Variants in PTPRK observed in about 807,000 individuals in gnomAD.
PTPRK encodes protein tyrosine phosphatase receptor type K.
Under a neutral mutation model 178.0 loss-of-function variants are expected in PTPRK, and 75 were observed. The ratio of observed to expected loss-of-function variants is 0.42; its 90% confidence interval spans 0.35 to 0.51. The LOEUF is 0.51. Ranked by LOEUF, PTPRK falls within the 20% of genes least tolerant of loss-of-function variation. The pLI is 0.02. For synonymous variants in PTPRK, 637 were observed against 620.6 expected (o/e 1.03, Z -0.39); for missense variants, 1,441 against 1,797.8 (o/e 0.80, Z 3.59).
intron 7 of PTPRK, among the ~76,000 whole-genome samples, chr6:128,145,646 AT>A (rs1234725622): frequency 2.0e-5 from 3 of 152,034 alleles, no homozygotes; most frequent in African/African-American, 7.3e-5. Context: ...TGCCAAGTGT[AT>A]TGTTTTGAGG....
Position 128,064,740 on chromosome 6 carries a change from A to G in PTPRK, c.2194+18T>C. On this transcript the variant is annotated intron_variant, in intron 13 of 29. Coordinates refer to ENST00000368226, the MANE Select transcript of PTPRK (RefSeq NM_002844.4). ...GGGTGAGAGTAGTTAAAACAAGCAAAAAAAGCAAACCTCTTACCTTTTGTA... is the reference window on the plus strand; with the variant it reads ...GGGTGAGAGTAGTTAAAACAAGCAAGAAAAGCAAACCTCTTACCTTTTGTA... The G allele has an allele frequency of 6.3e-7, 1 of 1,584,352 alleles. No individual in the cohort carries two copies. Among genetic ancestry groups the G allele is most frequent in the Non-Finnish European group, 8.5e-7 (1 of 1,171,914 alleles).
At chr6:128,490,433 T>C (rs1001466693) in intron 1 of PTPRK, among the ~76,000 whole-genome samples, 5 of 152,172 alleles carry the variant, frequency 3.3e-5, no homozygotes, top group African/African-American at 7.2e-5. Flanking sequence ...ATGAGTATTA[T>C]ACACTAGAAC....
intron 10 of PTPRK, 49 bp downstream of exon 10, chr6:128,082,388 C>G: frequency 6.6e-7 from 1 of 1,507,676 alleles, no homozygotes; most frequent in East Asian, 2.3e-5. Context: ...TGTGCCATTA[C>G]AAACCAATGG....
intron 6 of PTPRK, among the ~76,000 whole-genome samples, chr6:128,210,123 G>A (rs1364493574): frequency 1.3e-5 from 2 of 152,128 alleles, no homozygotes; most frequent in Admixed American, 1.3e-4. Context: ...GATGGTGACA[G>A]AGACAAGTGG....
chr6:128,161,206 A>T (rs1441226175), intron 7 of PTPRK, among the ~76,000 whole-genome samples: 2 of 151,770 alleles, frequency 1.3e-5, no homozygotes, highest in Non-Finnish European at 3.0e-5. Context: ...AAAATAACAA[A>T]CGATAACTGC....
intron 3 of PTPRK, among the ~76,000 whole-genome samples, chr6:128,290,625 T>C (rs1395394493): frequency 1.3e-5 from 2 of 152,020 alleles, no homozygotes; most frequent in Non-Finnish European, 2.9e-5. Flanking sequence ...TTCTCTAGGA[T>C]AGAGAACTGG....
intron 1 of PTPRK, among the ~76,000 whole-genome samples, chr6:128,407,812 A>G (rs1012294547): frequency 1.3e-5 from 2 of 152,164 alleles, no homozygotes; most frequent in Non-Finnish European, 2.9e-5. Context: ...AAAGGTGAAC[A>G]CAGTTCTTCA....
At chr6:128,400,706 G>A (rs1372768075) in intron 1 of PTPRK, among the ~76,000 whole-genome samples, 1 of 152,088 alleles carries the variant, frequency 6.6e-6, no homozygotes, top group African/African-American at 2.4e-5. Flanking sequence ...TCACTAGAAA[G>A]GCCTAAACAC....
At chr6:128,456,721 T>C (rs1292723119) in intron 1 of PTPRK, among the ~76,000 whole-genome samples, 1 of 152,136 alleles carries the variant, frequency 6.6e-6, no homozygotes, top group Non-Finnish European at 1.5e-5. Context: ...GACAACTGCC[T>C]GGGTCTTTCC....
chr6:128,518,855 G>C, intron 1 of PTPRK: 2 of 374,882 alleles, frequency 5.3e-6, no homozygotes, highest in Non-Finnish European at 1.1e-5. Flanking sequence ...TGAATCTGTT[G>C]TTTAACTCCC....
chr6:128,280,402 A>G (rs953645503), intron 3 of PTPRK, among the ~76,000 whole-genome samples: 2 of 152,166 alleles, frequency 1.3e-5, no homozygotes, highest in Admixed American at 6.6e-5. Context: ...AATTATCACT[A>G]TCCTTCTCCT....
chr6:128,058,820 C>T (rs78233439), intron 13 of PTPRK, among the ~76,000 whole-genome samples: 4,047 of 151,646 alleles, frequency 0.027, 178 homozygotes, highest in African/African-American at 0.093. Flanking sequence ...AAAAACTATA[C>T]TGTTATAACT....
chr6:128,145,494 AGTTT>A (rs1456112408), intron 7 of PTPRK, among the ~76,000 whole-genome samples: 1 of 152,130 alleles, frequency 6.6e-6, no homozygotes, highest in Non-Finnish European at 1.5e-5. Flanking sequence ...AAGGGATCTG[AGTTT>A]ATTTTAATTT....
At chr6:128,218,535 C>T (rs991637713) in intron 6 of PTPRK, among the ~76,000 whole-genome samples, 37 of 152,256 alleles carry the variant, frequency 2.4e-4, no homozygotes, top group African/African-American at 8.9e-4. Context: ...GAAATAGAAA[C>T]TTGGACCTTG....
At chr6:128,163,019 G>A (rs1353670214) in intron 7 of PTPRK, among the ~76,000 whole-genome samples, 1 of 151,230 alleles carries the variant, frequency 6.6e-6, no homozygotes, top group African/African-American at 2.4e-5. Flanking sequence ...ATAACATTAT[G>A]CTTAACATGT....
intron 13 of PTPRK, among the ~76,000 whole-genome samples, chr6:128,019,150 C>A (rs1004456834): frequency 6.6e-6 from 1 of 152,120 alleles, no homozygotes; most frequent in Admixed American, 6.5e-5. Context: ...AAGTCCAACT[C>A]CAGTTTTCAA....
intron 6 of PTPRK, among the ~76,000 whole-genome samples, chr6:128,201,105 G>A (rs1315428678): frequency 1.3e-5 from 2 of 152,078 alleles, no homozygotes; most frequent in Non-Finnish European, 2.9e-5. Flanking sequence ...CTTTAAAAGA[G>A]GATAGGCTAT....
chr6:128,520,267 A>T lies in PTPRK; in HGVS notation c.92T>A (p.Phe31Tyr). 6.3e-7 allele frequency: 1 copy of T among 1,598,228 alleles called. No homozygotes were observed. The highest frequency in any genetic ancestry group is 8.5e-7 in the Non-Finnish European group (1 of 1,172,232). Reference sequence around the variant, plus strand: ...GCCCCCCGGCCACTCACCTGCGGAGAACTGGCCTTGGGCCGATCCCAGGAG... The same window carrying T: ...GCCCCCCGGCCACTCACCTGCGGAGTACTGGCCTTGGGCCGATCCCAGGAG... ...WPLLGSAQGQ[F>Y]SAGGCTFDDG... The change falls in exon 1 of 30, where the codon TTC (phenylalanine) becomes TAC (tyrosine). Residue 31 changes from phenylalanine to tyrosine, a missense_variant. Phe to Tyr is a conservative substitution (Grantham distance 22, BLOSUM62 3). This residue lies in a region of PTPRK where 158 missense variants were observed against 188.0 expected (regional missense o/e 0.84). Coordinates refer to ENST00000368226, the MANE Select transcript of PTPRK (RefSeq NM_002844.4).
At chr6:128,486,147 T>C (rs1852834710) in intron 1 of PTPRK, among the ~76,000 whole-genome samples, 1 of 152,190 alleles carries the variant, frequency 6.6e-6, no homozygotes, top group Non-Finnish European at 1.5e-5. Flanking sequence ...AATTCTGTTA[T>C]CTTTGTTTTT....
Sources: gnomAD v4.1 joint callset for allele counts (sites outside exome capture counted in the v4.1 genomes callset) on GRCh38, gnomAD v4.1.1 for gene constraint, gnomAD v4.1.1 regional missense constraint, MANE v1.5 for transcripts, NCBI Gene and HGNC (gene_info 2026-07-23, HGNC 2026-07-21) for gene names.